KIAA2012: variants seen among roughly 807,000 people sequenced by gnomAD.
The protein encoded by KIAA2012 is KIAA2012.
In KIAA2012, 125 loss-of-function variants were observed where a neutral mutation model predicts 150.6. The observed-to-expected ratio is 0.83, with a 90% CI of 0.72 to 0.96. KIAA2012 has a LOEUF of 0.96. Among genes scored for constraint, KIAA2012 ranks in the 40% least tolerant of loss-of-function variants. The pLI is 0.00. For missense variants in KIAA2012, 1,219 were observed against 1,354.9 expected (o/e 0.90, Z 1.57); for synonymous variants, 462 against 504.7 (o/e 0.92, Z 1.13).
chr2:202,076,845 C>A (rs930932345), intron 2 of KIAA2012: 3 of 401,638 alleles, frequency 7.5e-6, no homozygotes, highest in Non-Finnish European at 1.5e-5. Flanking sequence ...TCCCTCTGTT[C>A]CCTTCCCCTG....
At chr2:202,142,622 G>A (rs1691216345) in intron 13 of KIAA2012, among the ~76,000 whole-genome samples, 1 of 152,158 alleles carries the variant, frequency 6.6e-6, no homozygotes, top group Non-Finnish European at 1.5e-5. Flanking sequence ...TTTTGGGAAA[G>A]GGCTGTTATC....
At chr2:202,136,100 G>A (rs960000418) in intron 12 of KIAA2012, 4 of 377,638 alleles carry the variant, frequency 1.1e-5, no homozygotes, top group African/African-American at 8.6e-5. Flanking sequence ...GACCTTCGTG[G>A]TGAGTGTTAC....
In KIAA2012 at chr2:202,093,087, T is replaced by C; in HGVS notation, c.587T>C (p.Leu196Pro). The C allele has an allele frequency of 6.4e-7, 1 of 1,550,824 alleles. No homozygotes were observed. The highest frequency in any genetic ancestry group is 8.7e-7 in the Non-Finnish European group (1 of 1,147,030). ...QDSQLNVPKK[L>P]RPQQDLSGVP... is the part of the protein sequence containing the mutation. ...AGTCAACTTAATGTACCAAAGAAGC[T>C]CAGGCCACAACAAGATCTTTCAGGT... The change falls in exon 4 of 24, where the codon CTC becomes CCC. Residue 196 changes from leucine to proline, a missense_variant. Coordinates refer to ENST00000498697, the MANE Select transcript of KIAA2012 (RefSeq NM_001277372.4).
chr2:202,129,369 G>C (rs536585526), intron 12 of KIAA2012, among the ~76,000 whole-genome samples: 2 of 151,786 alleles, frequency 1.3e-5, no homozygotes, highest in Non-Finnish European at 2.9e-5. Context: ...ACGGGCACCC[G>C]CCACCGCACC....
chr2:202,091,204 T>A (rs1364058489), intron 3 of KIAA2012, among the ~76,000 whole-genome samples: 1 of 152,146 alleles, frequency 6.6e-6, no homozygotes, highest in Non-Finnish European at 1.5e-5. Context: ...AGGCCAGAAC[T>A]TTCTTCCCAA....
At chr2:202,119,073 A>G (rs903615287) in intron 11 of KIAA2012, among the ~76,000 whole-genome samples, 25 of 152,302 alleles carry the variant, frequency 1.6e-4, no homozygotes, top group African/African-American at 5.8e-4. Flanking sequence ...AGGATGGATC[A>G]CCTGAGGTCA....
chr2:202,189,865 G>A (rs1426503167), intron 18 of KIAA2012, among the ~76,000 whole-genome samples: 1 of 152,064 alleles, frequency 6.6e-6, no homozygotes, highest in Non-Finnish European at 1.5e-5. Flanking sequence ...GCTGAGGTGG[G>A]TGGATTGCTT....
Position 202,195,125 on chromosome 2 carries a change from G to T in KIAA2012, c.3187+763G>T, listed in dbSNP as rs1218048068. 2.0e-5 allele frequency among the ~76,000 whole-genome samples: 3 copies of T among 152,130 alleles called. No individual in the cohort carries two copies. The East Asian group carries it at 5.8e-4, about 29-fold the overall frequency. Reference sequence around the variant, plus strand: ...ATTGTACATATTTACAGGGTACAGTGTGACCGTTTGGCACATATATGATAT... The same window carrying T: ...ATTGTACATATTTACAGGGTACAGTTTGACCGTTTGGCACATATATGATAT... On this transcript the variant is annotated intron_variant, in intron 21 of 23. Coordinates refer to ENST00000498697, the MANE Select transcript of KIAA2012 (RefSeq NM_001277372.4).
chr2:202,201,280 C>A, intron 22 of KIAA2012: 1 of 1,569,718 alleles, frequency 6.4e-7, no homozygotes, highest in South Asian at 1.1e-5. Flanking sequence ...CAACATGTGT[C>A]TAAACTGCAA....
At chr2:202,196,186 CTTT>C (rs869092899) in intron 21 of KIAA2012, among the ~76,000 whole-genome samples, 11 of 79,674 alleles carry the variant, frequency 1.4e-4, no homozygotes, top group African/African-American at 3.0e-4. Flanking sequence ...CTTTTCTTTT[CTTT>C]TTTTTTTTTT....
chr2:202,097,992 G>T (rs1486920097), intron 5 of KIAA2012, among the ~76,000 whole-genome samples: 2 of 152,158 alleles, frequency 1.3e-5, no homozygotes, highest in Non-Finnish European at 2.9e-5. Context: ...GAAGGGAAGA[G>T]TACTTTGACC....
intron 2 of KIAA2012, among the ~76,000 whole-genome samples, chr2:202,080,775 A>G (rs780410617): frequency 7.9e-5 from 12 of 151,996 alleles, no homozygotes; most frequent in Non-Finnish European, 1.6e-4. Flanking sequence ...AGTGCTTTAC[A>G]CTTATTAACT....
intron 22 of KIAA2012, among the ~76,000 whole-genome samples, chr2:202,198,208 G>C (rs373287645): frequency 6.8e-6 from 1 of 147,684 alleles, no homozygotes; most frequent in African/African-American, 2.5e-5. Context: ...GGATTTGATA[G>C]GATTGCAAGT....
chr2:202,131,827 G>T (rs1259469574), intron 12 of KIAA2012, among the ~76,000 whole-genome samples: 1 of 152,176 alleles, frequency 6.6e-6, no homozygotes, highest in Non-Finnish European at 1.5e-5. Context: ...GGGAAGGAGT[G>T]ATGAAAAATG....
At chr2:202,097,661 C>T in intron 5 of KIAA2012, 84 bp downstream of exon 5, 1 of 1,446,234 alleles carries the variant, frequency 6.9e-7, no homozygotes, top group Non-Finnish European at 9.3e-7. Flanking sequence ...AGAATTTTGG[C>T]TCACTGCAAC....
intron 12 of KIAA2012, chr2:202,137,293 T>G (rs1691085172): frequency 1.3e-5 from 2 of 150,860 alleles, no homozygotes. Context: ...CAAATAAACA[T>G]TCCTTTAGAA....
At chr2:202,173,520 G>C (rs1486126105) in intron 15 of KIAA2012, among the ~76,000 whole-genome samples, 1 of 152,086 alleles carries the variant, frequency 6.6e-6, no homozygotes, top group East Asian at 1.9e-4. Context: ...AGTGAGCCAA[G>C]ATAGCACCAT....
At chr2:202,171,026 T>C (rs1213675156) in intron 15 of KIAA2012, among the ~76,000 whole-genome samples, 6 of 152,098 alleles carry the variant, frequency 3.9e-5, no homozygotes, top group Non-Finnish European at 7.3e-5. Flanking sequence ...AGATTAATGC[T>C]GGATGTTAAC....
At chr2:202,098,819 T>C (rs1219663299) in intron 5 of KIAA2012, among the ~76,000 whole-genome samples, 1 of 145,050 alleles carries the variant, frequency 6.9e-6, no homozygotes, top group Non-Finnish European at 1.5e-5. Context: ...TGTGTGTGTG[T>C]GCACGCGCGC....
Sources: allele counts gnomAD v4.1 joint callset (sites outside exome capture counted in the v4.1 genomes callset), GRCh38; gene constraint gnomAD v4.1.1; transcripts MANE v1.5; gene names NCBI Gene and HGNC (gene_info 2026-07-23, HGNC 2026-07-21).